The following ATP8A1 variants were observed in gnomAD, a reference collection of about 807,000 sequenced individuals.
ATP8A1 encodes phospholipid-transporting ATPase IA.
In ATP8A1, 90 loss-of-function variants were observed where a neutral mutation model predicts 177.7. That is an observed-to-expected ratio of 0.51 (90% CI 0.43 to 0.60). The LOEUF is 0.60. ATP8A1 is among the 20% of genes least tolerant of loss of function. ATP8A1 has a pLI of 0.00. For missense variants in ATP8A1, 1,072 were observed against 1,392.8 expected (o/e 0.77, Z 3.67); for synonymous variants, 493 against 485.9 (o/e 1.01, Z -0.19).
At chr4:42,581,774 A>G (rs781643030) in intron 9 of ATP8A1, 42 bp from the exon 10 acceptor site, 1 of 1,418,680 alleles carries the variant, frequency 7.0e-7, no homozygotes, top group East Asian at 2.3e-5. Context: ...TATTTTCTAA[A>G]ATGCTTAAGA....
rs1738171401 is a variant in ATP8A1, at chr4:42,626,990, C to T, written c.164+5G>A. 6.2e-7 allele frequency: 1 copy of T among 1,611,124 alleles called. No homozygotes were observed. Among genetic ancestry groups the T allele is most frequent in the Non-Finnish European group, 8.5e-7 (1 of 1,177,356 alleles). On this transcript the variant is annotated splice_donor_5th_base_variant and intron_variant, in intron 2 of 36. Transcript: ENST00000381668. ...GGTCTCATGGCATTCTTTGGTAGTTCTTACCTGACATGGTTATTGCAGAAT... is the reference window on the plus strand; with the variant it reads ...GGTCTCATGGCATTCTTTGGTAGTTTTTACCTGACATGGTTATTGCAGAAT...
intron 30 of ATP8A1, among the ~76,000 whole-genome samples, chr4:42,448,771 C>T (rs141705953): frequency 7.1e-4 from 105 of 148,742 alleles, no homozygotes; most frequent in African/African-American, 2.5e-3. Context: ...GAAACTATAT[C>T]AATGAACTTT....
At chr4:42,510,251 G>A (rs567640662) in intron 22 of ATP8A1, among the ~76,000 whole-genome samples, 2 of 152,226 alleles carry the variant, frequency 1.3e-5, no homozygotes, top group South Asian at 4.1e-4. Flanking sequence ...CAAGAAGATA[G>A]CATTATTTTA....
intron 1 of ATP8A1, among the ~76,000 whole-genome samples, chr4:42,650,919 T>G (rs185089072): frequency 6.6e-6 from 1 of 152,284 alleles, no homozygotes; most frequent in African/African-American, 2.4e-5. Context: ...CTGATATAGT[T>G]TGGCTGTGTC....
intron 25 of ATP8A1, among the ~76,000 whole-genome samples, chr4:42,473,645 A>G (rs1720720101): frequency 6.6e-6 from 1 of 151,928 alleles, no homozygotes; most frequent in Non-Finnish European, 1.5e-5. Flanking sequence ...ATTTAATTAA[A>G]TTGATAAATT....
intron 29 of ATP8A1, among the ~76,000 whole-genome samples, chr4:42,453,795 T>C (rs1718191372): frequency 6.6e-6 from 1 of 152,150 alleles, no homozygotes; most frequent in Admixed American, 6.5e-5. Flanking sequence ...TTGGTGAGAA[T>C]TATTGTTAGT....
intron 7 of ATP8A1, among the ~76,000 whole-genome samples, chr4:42,588,804 C>T (rs1327638583): frequency 6.6e-6 from 1 of 152,046 alleles, no homozygotes; most frequent in Non-Finnish European, 1.5e-5. Context: ...CATTTACTAC[C>T]CTTTTAGCTA....
rs1560291657 is a variant in ATP8A1 at position 42,409,253 on chromosome 4, G to A, written c.*3663C>T. On this transcript the variant is annotated 3_prime_UTR_variant, in exon 37 of 37. Transcript: ENST00000381668. Reference sequence around the variant, plus strand: ...AAACACAGCTGTTCTCATACAGAAAGTAAATCAAGACGAAATATGGAAAAC... The same window carrying A: ...AAACACAGCTGTTCTCATACAGAAAATAAATCAAGACGAAATATGGAAAAC... 10 of 152,248 alleles carry A rather than the reference G, an allele frequency of 6.6e-5. No individual in the cohort carries two copies. In the South Asian group the frequency reaches 2.1e-3, roughly 32 times the overall value. 9.4% of individuals were successfully genotyped at this position (152,248 alleles called of 1,614,324 possible).
At chr4:42,627,775 A>T (rs1185372123) in intron 1 of ATP8A1, among the ~76,000 whole-genome samples, 2 of 152,252 alleles carry the variant, frequency 1.3e-5, no homozygotes, top group Non-Finnish European at 2.9e-5. Flanking sequence ...CAGAATATCA[A>T]CAGATAGTAT....
At chr4:42,504,494 CT>C (rs960080566) in intron 23 of ATP8A1, among the ~76,000 whole-genome samples, 1 of 152,262 alleles carries the variant, frequency 6.6e-6, no homozygotes, top group African/African-American at 2.4e-5. Flanking sequence ...TACTCTACAT[CT>C]ATCAGTCAAT....
At chr4:42,514,037 T>G (rs1013846288) in intron 22 of ATP8A1, among the ~76,000 whole-genome samples, 1 of 152,218 alleles carries the variant, frequency 6.6e-6, no homozygotes, top group Non-Finnish European at 1.5e-5. Context: ...CCTTCTTTCC[T>G]TTCCCTTTAT....
chr4:42,656,852 C>T lies in ATP8A1; in HGVS notation c.22G>A (p.Val8Met). The change falls in exon 1 of 37, where the codon GTG (valine) becomes ATG (methionine). Residue 8 changes from valine to methionine, a missense_variant. By Grantham distance (21) the Val-to-Met change is conservative. This residue lies in a region of ATP8A1 where 344 missense variants were observed against 393.5 expected (regional missense o/e 0.87). Coordinates refer to ENST00000381668, the MANE Select transcript of ATP8A1 (RefSeq NM_006095.2). MPTMRRT[V>M]SEIRSRAEGY... is the part of the protein sequence containing the mutation. ...TCGGCGCGCGAGCGGATCTCCGACA[C>T]GGTCCTCCGCATGGTGGGCATCGCG... 2 of 1,585,834 alleles carry T rather than the reference C, an allele frequency of 1.3e-6. No homozygotes were observed. The highest frequency in any genetic ancestry group is 1.7e-6 in the Non-Finnish European group (2 of 1,166,270).
chr4:42,547,067 CTCTTT>C (rs1469321780), intron 19 of ATP8A1, among the ~76,000 whole-genome samples: 1 of 152,222 alleles, frequency 6.6e-6, no homozygotes, highest in Admixed American at 6.5e-5. Context: ...CCATAGATTT[CTCTTT>C]TGTTTCAGGC....
chr4:42,563,873 T>A (rs1731090293), intron 15 of ATP8A1, among the ~76,000 whole-genome samples: 1 of 152,158 alleles, frequency 6.6e-6, no homozygotes. Context: ...GGCAGGTGGA[T>A]CACCTGAGGT....
chr4:42,631,705 C>G (rs931978681), intron 1 of ATP8A1, among the ~76,000 whole-genome samples: 1 of 152,200 alleles, frequency 6.6e-6, no homozygotes, highest in Non-Finnish European at 1.5e-5. Flanking sequence ...CCTTCCTTGA[C>G]CATCTCCATA....
At chr4:42,617,309 A>T (rs550555090) in intron 4 of ATP8A1, among the ~76,000 whole-genome samples, 2 of 152,214 alleles carry the variant, frequency 1.3e-5, no homozygotes, top group Non-Finnish European at 2.9e-5. Flanking sequence ...AGAATTGTTG[A>T]GAATGATTCT....
chr4:42,446,462 G>A, intron 31 of ATP8A1, 121 bp downstream of exon 31: 1 of 915,380 alleles, frequency 1.1e-6, no homozygotes, highest in Non-Finnish European at 1.6e-6. Context: ...ATTTTTAAAG[G>A]GAACCGTAAA....
At chr4:42,439,922 C>T (rs1353966946) in intron 33 of ATP8A1, among the ~76,000 whole-genome samples, 1 of 152,168 alleles carries the variant, frequency 6.6e-6, no homozygotes, top group Non-Finnish European at 1.5e-5. Flanking sequence ...AAGTTGAAAC[C>T]TTATCTCTGC....
intron 19 of ATP8A1, among the ~76,000 whole-genome samples, chr4:42,547,760 C>T (rs71610025): frequency 0.094 from 14,164 of 150,364 alleles, 817 homozygotes; most frequent in Middle Eastern, 0.17. Flanking sequence ...AGACAGACTG[C>T]ATTATTTTTG....
Sources: allele counts gnomAD v4.1 joint callset (sites outside exome capture counted in the v4.1 genomes callset), GRCh38; gene constraint gnomAD v4.1.1; regional missense constraint gnomAD v4.1.1; transcripts MANE v1.5; gene names NCBI Gene and HGNC (gene_info 2026-07-23, HGNC 2026-07-21).